The following BAHD1 variants were observed in gnomAD, a reference collection of about 807,000 sequenced individuals.
BAHD1 encodes bromo adjacent homology domain-containing 1 protein.
A neutral mutation model predicts 63.1 loss-of-function variants in BAHD1; 20 were observed. The ratio of observed to expected loss-of-function variants is 0.32; its 90% CI spans 0.22 to 0.46. The LOEUF (loss-of-function observed/expected upper bound fraction) is 0.46, where lower values mean the gene tolerates loss of function less well. Ranked by LOEUF, BAHD1 falls within the 20% of genes least tolerant of loss-of-function variation. The pLI, the probability that BAHD1 is intolerant of heterozygous loss-of-function variation, is 1.00. For missense variants in BAHD1, 939 were observed against 1,071.8 expected, an observed-to-expected ratio of 0.88 and a Z score of 1.73; for synonymous variants, 408 against 426.8, an observed-to-expected ratio of 0.96 and a Z score of 0.54.
In BAHD1 at chr15:40,462,198, A is replaced by ACGT; in HGVS notation, c.1720_1722dup (p.Arg574dup). 6.2e-7 allele frequency: 1 copy of ACGT among 1,612,636 alleles called. No individual in the cohort carries two copies. Among genetic ancestry groups the ACGT allele is most frequent in the Non-Finnish European group, 8.5e-7 (1 of 1,179,902 alleles). ...GCAGGCCTAGCCACCCCAAGCAGCC[A>ACGT]CGTGTCCAGCGCCCACGCCCTCGCC... is the stretch of plus-strand genomic sequence containing the variant. On this transcript the variant is annotated inframe_insertion, in exon 3 of 7. Transcript: ENST00000416165.
chr15:40,458,506 G>T lies in BAHD1; in HGVS notation c.42G>T (p.Ser14=). The T allele has an allele frequency of 6.2e-7, 1 of 1,609,884 alleles. No homozygotes were observed. The highest frequency in any genetic ancestry group is 8.5e-7 in the Non-Finnish European group (1 of 1,177,632). Residue 14 remains serine (S), a synonymous_variant, in exon 2 of 7, where the codon TCG becomes TCT. Transcript: ENST00000416165. This position sits in a 1 kb window ranked among gnomAD's most constrained non-coding sequence, Gnocchi z 4.7. ...GAAAGTCCCTTCCCATGCTGAGTTC[G>T]GGCCTCACTGGCCGCCGAGAGCCCC... The part of the protein sequence containing the change: ...TRRKSLPMLS[S]GLTGRREPLQ...
intron 1 of BAHD1, chr15:40,443,125 C>CT (rs780413695): frequency 5.1e-5 from 13 of 254,920 alleles, no homozygotes; most frequent in Non-Finnish European, 7.4e-5. Flanking sequence ...TGCTGAGAAT[C>CT]TGAGTTCGAG....
At chr15:40,457,877 G>T (rs1425653814) in intron 1 of BAHD1, among the ~76,000 whole-genome samples, 2 of 152,194 alleles carry the variant, frequency 1.3e-5, no homozygotes, top group African/African-American at 4.8e-5. Context: ...GCGGGGCGTG[G>T]TGGCGGGCAC....
intron 1 of BAHD1, among the ~76,000 whole-genome samples, chr15:40,448,762 C>T (rs948334418): frequency 6.6e-6 from 1 of 152,026 alleles, no homozygotes. Flanking sequence ...CTTTTAACTC[C>T]TGGCCTCCCA....
At chr15:40,447,615 A>T (rs1022281726) in intron 1 of BAHD1, among the ~76,000 whole-genome samples, 8 of 148,976 alleles carry the variant, frequency 5.4e-5, no homozygotes, top group Non-Finnish European at 1.0e-4. Context: ...AATAAATAAA[A>T]ATAAAAATGA....
intron 3 of BAHD1, 74 bp downstream of exon 3, chr15:40,462,368 G>T: frequency 6.6e-7 from 1 of 1,519,676 alleles, no homozygotes; most frequent in South Asian, 1.3e-5. Context: ...TGAGGTAGGT[G>T]CTAGAAGCAC....
At chr15:40,463,727 A>ATAGTGGTTTGACAAAACCAAGG (rs761900493) in intron 3 of BAHD1, 134 bp from the exon 4 acceptor site, 33 of 947,468 alleles carry the variant, frequency 3.5e-5, no homozygotes, top group African/African-American at 3.3e-4. Context: ...CCAAAAAAGG[A>ATAGTGGTTTGACAAAACCAAGG]TAGTGGTTTG....
chr15:40,437,950 G>A (rs1893311931), upstream of BAHD1, among the ~76,000 whole-genome samples: 1 of 152,212 alleles, frequency 6.6e-6, no homozygotes, highest in African/African-American at 2.4e-5. Flanking sequence ...CTCTGAGGCA[G>A]TTAACCCTTC....
At chr15:40,454,761 C>T (rs767966055) in intron 1 of BAHD1, 1 of 152,274 alleles carries the variant, frequency 6.6e-6, no homozygotes, top group Non-Finnish European at 1.5e-5. Flanking sequence ...GAACCCAGCG[C>T]ACCTTGTGCC....
At chr15:40,451,013 CTG>C (rs1294548322) in intron 1 of BAHD1, among the ~76,000 whole-genome samples, 1 of 151,878 alleles carries the variant, frequency 6.6e-6, no homozygotes, top group African/African-American at 2.4e-5. Flanking sequence ...TGGTGGGTGA[CTG>C]TAATCCCAGC....
intron 1 of BAHD1, among the ~76,000 whole-genome samples, chr15:40,448,404 A>G (rs1203357237): frequency 6.6e-6 from 1 of 152,174 alleles, no homozygotes; most frequent in Non-Finnish European, 1.5e-5. Context: ...ATAAAACTGA[A>G]CGTGCAAGTT....
chr15:40,450,185 T>C (rs917126235), intron 1 of BAHD1, among the ~76,000 whole-genome samples: 1 of 152,236 alleles, frequency 6.6e-6, no homozygotes, highest in African/African-American at 2.4e-5. Flanking sequence ...ACTAGTTAAG[T>C]GAGTGATATT....
rs1263176413 is a variant in BAHD1 at position 40,465,409 on chromosome 15, T to C, written c.2127T>C (p.Tyr709=). ...TGGCCTGCATTGAGGAGAAGTGCTA[T>C]GTGCTGACTTTTGCCGAGTACTGCA... ...NSVACIEEKC[Y]VLTFAEYCRF... The change falls in exon 6 of 7, where the codon TAT becomes TAC. Residue 709 remains tyrosine (Y), a synonymous_variant. Coordinates refer to ENST00000416165, the MANE Select transcript of BAHD1 (RefSeq NM_014952.5). 1.2e-6 allele frequency: 2 copies of C among 1,614,074 alleles called. No individual in the cohort carries two copies. The highest frequency in any genetic ancestry group is 1.1e-5 in the South Asian group (1 of 91,092).
chr15:40,462,087 T>C lies in BAHD1; in HGVS notation c.1608T>C (p.Pro536=). Residue 536 remains proline (P), a synonymous_variant, in exon 3 of 7, where the codon CCT becomes CCC. Transcript: ENST00000416165. ...SEPQTVARAC[P]QSAKPPSGSK... ...CCCAGACAGTAGCCCGTGCGTGCCC[T>C]CAGAGCGCCAAACCTCCCAGCGGTT... is the stretch of plus-strand genomic sequence containing the variant. 3.1e-6 allele frequency: 5 copies of C among 1,613,396 alleles called. No homozygotes were observed. In the South Asian group the frequency reaches 3.3e-5, roughly 11 times the overall value.
Position 40,465,399 on chromosome 15 carries a change from A to C in BAHD1, c.2117A>C (p.Glu706Ala). The change falls in exon 6 of 7, where the codon GAG (glutamate) becomes GCG (alanine). Residue 706 changes from glutamate to alanine, a missense_variant. By Grantham distance (107) the Glu-to-Ala change is moderately radical. Coordinates refer to ENST00000416165, the MANE Select transcript of BAHD1 (RefSeq NM_014952.5). The part of the protein sequence containing the change: ...QDQNSVACIE[E>A]KCYVLTFAEY... ...CAGAACAGTGTGGCCTGCATTGAGG[A>C]GAAGTGCTATGTGCTGACTTTTGCC... 6.2e-7 allele frequency: 1 copy of C among 1,614,122 alleles called. No individual in the cohort carries two copies. The highest frequency in any genetic ancestry group is 8.5e-7 in the Non-Finnish European group (1 of 1,180,016).
Position 40,456,883 on chromosome 15 carries a change from T to C in BAHD1, c.-14-1568T>C, listed in dbSNP as rs368909343. ...CTGGCACCTTACTTGCCAGCCCCTG[T>C]GCTTTGGGTTGAATGGTAGGAAGTG... On this transcript the variant is annotated intron_variant, in intron 1 of 6. Transcript: ENST00000416165. Among the ~76,000 whole-genome samples, 37 of 152,306 alleles carry C rather than the reference T, an allele frequency of 2.4e-4. No homozygotes were observed. In the East Asian group the frequency reaches 6.0e-3, roughly 25 times the overall value.
At chr15:40,437,557 C>T (rs557184521), upstream of BAHD1, among the ~76,000 whole-genome samples, 60 of 152,322 alleles carry the variant, frequency 3.9e-4, 1 homozygote, top group South Asian at 0.011. Flanking sequence ...TCAGTTCGTC[C>T]AGTGGGGCTG....
chr15:40,441,461 C>T (rs1893399002), intron 1 of BAHD1, among the ~76,000 whole-genome samples, 193 bp downstream of exon 1: 1 of 151,166 alleles, frequency 6.6e-6, no homozygotes, highest in South Asian at 2.1e-4. Context: ...TGCGGCCGCC[C>T]GCCCGCTCGC....
rs1433369392 is a variant in BAHD1 at position 40,464,177 on chromosome 15, G to A, written c.1975+157G>A. The A allele has an allele frequency of 2.5e-5, 23 of 908,054 alleles. No individual in the cohort carries two copies. The Admixed American group carries it at 4.6e-4, about 18-fold the overall frequency. The allele number at this position is 908,054 out of a possible 1,614,324, so 56.2% of individuals were successfully genotyped here. A position where few individuals can be genotyped will look rare whatever the true frequency, so the allele number is the denominator to read the frequency against. ...ACTCGGCTGGGGTCTCTCTGCTGCC[G>A]AGGGCTGTGGGTGACCTTGTGGCTT... On this transcript the variant is annotated intron_variant, in intron 4 of 6. Coordinates refer to ENST00000416165, the MANE Select transcript of BAHD1 (RefSeq NM_014952.5).
Sources: allele counts gnomAD v4.1 joint callset (sites outside exome capture counted in the v4.1 genomes callset), GRCh38; gene constraint gnomAD v4.1.1; non-coding constraint Gnocchi (gnomAD v3.1); transcripts MANE v1.5; gene names NCBI Gene and HGNC (gene_info 2026-07-23, HGNC 2026-07-21).